Variants in GABRG3 observed in about 807,000 individuals in gnomAD.
GABRG3 encodes the protein gamma-aminobutyric acid type A receptor subunit gamma3, also known as gamma-aminobutyric acid receptor subunit gamma-3.
GABRG3 carries 25 observed loss-of-function variants against 48.8 expected under a neutral mutation model. The ratio of observed to expected loss-of-function variants is 0.51; its 90% CI spans 0.37 to 0.72. The LOEUF (loss-of-function observed/expected upper bound fraction) is 0.72, where lower values mean the gene tolerates loss of function less well. Among genes scored for constraint, GABRG3 ranks in the 30% least tolerant of loss-of-function variants. GABRG3 has a pLI of 0.00. For synonymous variants in GABRG3, 227 were observed against 217.6 expected, an observed-to-expected ratio of 1.04 and a Z score of -0.38; for missense variants, 394 against 577.9, an observed-to-expected ratio of 0.68 and a Z score of 3.26.
chr15:27,384,336 C>G (rs532393334), intron 5 of GABRG3, among the ~76,000 whole-genome samples: 33 of 152,212 alleles, frequency 2.2e-4, no homozygotes, highest in African/African-American at 7.2e-4. Flanking sequence ...AAATCTAGTA[C>G]AAGCCTAGGA....
rs1893336400 is a variant in GABRG3, at chr15:27,319,209, G to C, written c.271-7600G>C. Among the ~76,000 whole-genome samples the C allele has an allele frequency of 1.3e-5, 2 of 152,172 alleles. No individual in the cohort carries two copies. Among genetic ancestry groups the C allele is most frequent in the Non-Finnish European group, 2.9e-5 (2 of 68,034 alleles). ...ATTTTTATTTGTCAATTCTAGCTCA[G>C]TAAAGCCAGGGGGAAAAAAATGTCT... is the stretch of plus-strand genomic sequence containing the variant. On this transcript the variant is annotated intron_variant, in intron 3 of 9. Coordinates refer to ENST00000615808, the MANE Select transcript of GABRG3 (RefSeq NM_033223.5). The surrounding 1 kb of genome is among the most constrained non-coding windows in gnomAD (Gnocchi z 4.4).
chr15:27,130,751 T>A (rs1180949703), intron 3 of GABRG3, among the ~76,000 whole-genome samples: 1 of 152,096 alleles, frequency 6.6e-6, no homozygotes, highest in Admixed American at 6.5e-5. Flanking sequence ...TTCAGTTTAT[T>A]TGAGTGTCTT....
intron 3 of GABRG3, among the ~76,000 whole-genome samples, chr15:27,159,793 A>G (rs11853425): frequency 0.034 from 5,108 of 152,226 alleles, 300 homozygotes; most frequent in African/African-American, 0.12. Context: ...AGAATGTCCT[A>G]GTGTGACCTG....
chr15:27,372,158 A>G (rs531073402), intron 5 of GABRG3, among the ~76,000 whole-genome samples: 4 of 152,126 alleles, frequency 2.6e-5, no homozygotes, highest in African/African-American at 9.7e-5. Flanking sequence ...TATGTTTCAT[A>G]TGAGATATAT....
At chr15:27,498,639 C>A (rs775486649) in intron 6 of GABRG3, among the ~76,000 whole-genome samples, 1 of 152,040 alleles carries the variant, frequency 6.6e-6, no homozygotes, top group Non-Finnish European at 1.5e-5. Flanking sequence ...TACAGGTGCA[C>A]GCCACCATGC....
Position 27,236,504 on chromosome 15 carries a change from A to G in GABRG3, c.271-90305A>G. On this transcript the variant is annotated intron_variant, in intron 3 of 9. Transcript: ENST00000615808. The surrounding 1 kb of genome is among the most constrained non-coding windows in gnomAD (Gnocchi z 4.4). ...AGAATTCTCTCTAAGCAGGAAGCAG[A>G]AACCAGCTCTGGAAAACAAGAAATG... 6.6e-6 allele frequency among the ~76,000 whole-genome samples: 1 copy of G among 152,232 alleles called. No homozygotes were observed. Among genetic ancestry groups the G allele is most frequent in the Non-Finnish European group, 1.5e-5 (1 of 68,042 alleles).
rs548058671 is a variant in GABRG3 at position 27,257,130 on chromosome 15, G to A, written c.271-69679G>A. 2.7e-4 allele frequency among the ~76,000 whole-genome samples: 41 copies of A among 152,114 alleles called. 1 individual carries two copies. Among genetic ancestry groups the A allele is most frequent in the South Asian group, 1.9e-3 (9 of 4,822 alleles). On this transcript the variant is annotated intron_variant, in intron 3 of 9. Transcript: ENST00000615808. ...CATTCTAACTGTGAAGTGATGCCTC[G>A]TTGTGGTTTTAATTTGCATTTCTTC...
intron 5 of GABRG3, among the ~76,000 whole-genome samples, chr15:27,394,677 T>A (rs1273913708): frequency 6.6e-6 from 1 of 152,194 alleles, no homozygotes; most frequent in East Asian, 1.9e-4. Flanking sequence ...AACCTGGGAA[T>A]GTCTTAATTT....
chr15:27,368,262 T>G (rs1024264396), intron 5 of GABRG3, among the ~76,000 whole-genome samples: 7 of 152,162 alleles, frequency 4.6e-5, no homozygotes, highest in Admixed American at 1.3e-4. Flanking sequence ...TTTGAACTGG[T>G]TCCTAAAGCT....
At chr15:27,189,244 G>A (rs963174654) in intron 3 of GABRG3, among the ~76,000 whole-genome samples, 1 of 151,744 alleles carries the variant, frequency 6.6e-6, no homozygotes, top group Non-Finnish European at 1.5e-5. Flanking sequence ...CTTTAAAGTA[G>A]TTTTTTCCAA....
intron 3 of GABRG3, among the ~76,000 whole-genome samples, chr15:27,041,394 C>G (rs1896273884): frequency 6.6e-6 from 1 of 152,122 alleles, no homozygotes; most frequent in African/African-American, 2.4e-5. Flanking sequence ...TGTTGCCCAG[C>G]TGGTCTCAAA....
chr15:27,331,446 G>A (rs902528435), intron 5 of GABRG3, among the ~76,000 whole-genome samples: 2 of 152,180 alleles, frequency 1.3e-5, no homozygotes, highest in Non-Finnish European at 2.9e-5. Flanking sequence ...AAAGAGACAT[G>A]TAGGAAACTT....
At chr15:27,431,013 A>AAATG (rs1888434431) in intron 5 of GABRG3, among the ~76,000 whole-genome samples, 1 of 150,748 alleles carries the variant, frequency 6.6e-6, no homozygotes, top group Non-Finnish European at 1.5e-5. Context: ...ATAAATAAAT[A>AAATG]AATAAATAAA....
rs539612517 is a variant in GABRG3, at chr15:27,022,095, G to A, written c.203-4659G>A. Reference sequence around the variant, plus strand: ...ACTGCAGAACCCATGCCCTATGAACGCATGCTGAGCCAAGCACAATTTCTC... The same window carrying A: ...ACTGCAGAACCCATGCCCTATGAACACATGCTGAGCCAAGCACAATTTCTC... On this transcript the variant is annotated intron_variant, in intron 2 of 9. Coordinates refer to ENST00000615808, the MANE Select transcript of GABRG3 (RefSeq NM_033223.5). Among the ~76,000 whole-genome samples, 7 of 152,124 alleles carry A rather than the reference G, an allele frequency of 4.6e-5. No individual in the cohort carries two copies. The South Asian group carries it at 6.2e-4, about 14-fold the overall frequency.
intron 3 of GABRG3, among the ~76,000 whole-genome samples, chr15:27,234,711 G>C (rs1889902207): frequency 6.6e-6 from 1 of 152,198 alleles, no homozygotes; most frequent in African/African-American, 2.4e-5. Context: ...TTGCTCAGCA[G>C]TGAAATCTTT....
Position 27,533,297 on chromosome 15 carries a change from G to T in GABRG3, c.*416G>T. ...GCCCTGGGTGTAGTAGCACTCAGGAGTGTTGAATCACCCCTGGCCGAGACC... is the reference window on the plus strand; with the variant it reads ...GCCCTGGGTGTAGTAGCACTCAGGATTGTTGAATCACCCCTGGCCGAGACC... On this transcript the variant is annotated 3_prime_UTR_variant, in exon 10 of 10. Transcript: ENST00000615808. The T allele has an allele frequency of 5.5e-6, 1 of 180,528 alleles. No homozygotes were observed. Among genetic ancestry groups the T allele is most frequent in the Non-Finnish European group, 1.2e-5 (1 of 86,312 alleles). The allele number at this position is 180,528 out of a possible 1,614,324, so 11.2% of individuals were successfully genotyped here.
intron 5 of GABRG3, among the ~76,000 whole-genome samples, chr15:27,459,397 C>T (rs1286371589): frequency 1.3e-5 from 2 of 152,198 alleles, no homozygotes; most frequent in African/African-American, 4.8e-5. Flanking sequence ...ATCACCCAAA[C>T]CATGTCATCC....
chr15:27,339,258 C>T (rs1365663255), intron 5 of GABRG3, among the ~76,000 whole-genome samples: 3 of 152,232 alleles, frequency 2.0e-5, no homozygotes, highest in East Asian at 3.8e-4. Context: ...GACATGTAGA[C>T]GTCAAGGTCC....
chr15:27,002,186 A>G (rs780465905), intron 2 of GABRG3, among the ~76,000 whole-genome samples: 1 of 152,220 alleles, frequency 6.6e-6, no homozygotes, highest in African/African-American at 2.4e-5. Context: ...CACTCATTGT[A>G]TAACTGTAAT....
Sources: allele counts gnomAD v4.1 joint callset (sites outside exome capture counted in the v4.1 genomes callset), GRCh38; gene constraint gnomAD v4.1.1; non-coding constraint Gnocchi (gnomAD v3.1); transcripts MANE v1.5; gene names NCBI Gene and HGNC (gene_info 2026-07-23, HGNC 2026-07-21).